Variants in ARHGAP21 observed in about 807,000 individuals in gnomAD.
ARHGAP21 encodes the protein rho GTPase-activating protein 21.
A neutral mutation model predicts 164.6 loss-of-function variants in ARHGAP21; 38 were observed. The ratio of observed to expected loss-of-function variants is 0.23; its 90% CI spans 0.18 to 0.30. ARHGAP21 has a LOEUF of 0.30. Ranked by LOEUF, ARHGAP21 falls within the 10% of genes least tolerant of loss-of-function variation. The pLI is 1.00. For missense variants in ARHGAP21, 1,822 were observed against 2,370.7 expected (o/e 0.77, Z 4.81); for synonymous variants, 766 against 857.9 (o/e 0.89, Z 1.87).
chr10:24,705,387 C>G (rs1230011539), intron 2 of ARHGAP21, among the ~76,000 whole-genome samples: 1 of 152,144 alleles, frequency 6.6e-6, no homozygotes, highest in African/African-American at 2.4e-5. Flanking sequence ...TACGGTGAAA[C>G]AAACAGAGAC....
intron 24 of ARHGAP21, chr10:24,590,597 T>A: frequency 7.1e-7 from 1 of 1,414,062 alleles, no homozygotes. Context: ...GCTAGATTAG[T>A]GCAACAGTTT....
At position 24,595,739 on chromosome 10, in the gene ARHGAP21, G is replaced by GAGTTTTCTGA; in HGVS notation, c.3680_3689dup (p.Pro1231GlnfsTer5). 1 of 1,613,370 alleles carries GAGTTTTCTGA rather than the reference G, an allele frequency of 6.2e-7. No individual in the cohort carries two copies. Reference sequence around the variant, plus strand: ...CACCATTTGTGAAGAGAGGCTCAGGGAGTTTTCTGAAGAAGGATTTTAGTA... The same window carrying GAGTTTTCTGA: ...CACCATTTGTGAAGAGAGGCTCAGGGAGTTTTCTGAAGTTTTCTGAAGAAGGATTTTAGTA... On this transcript the variant is annotated frameshift_variant, in exon 19 of 26. Transcript: ENST00000396432. LOFTEE classifies it high-confidence loss of function.
At chr10:24,660,006 C>CAGT (rs1442985465) in intron 4 of ARHGAP21, among the ~76,000 whole-genome samples, 5 of 152,090 alleles carry the variant, frequency 3.3e-5, no homozygotes, top group Non-Finnish European at 7.4e-5. Context: ...AGAATGCAGC[C>CAGT]AGTACACTGT....
At chr10:24,595,246 T>G in intron 19 of ARHGAP21, 56 bp from the exon 20 acceptor site, 1 of 1,407,012 alleles carries the variant, frequency 7.1e-7, no homozygotes, top group Non-Finnish European at 9.9e-7. Flanking sequence ...TGAATTGTAA[T>G]CTAGTTTCCC....
At chr10:24,695,908 G>C (rs755568397) in intron 2 of ARHGAP21, among the ~76,000 whole-genome samples, 1 of 152,212 alleles carries the variant, frequency 6.6e-6, no homozygotes, top group Non-Finnish European at 1.5e-5. Context: ...CTGATGCCAT[G>C]ATGACAGCCT....
chr10:24,661,391 G>A (rs1037651561), intron 4 of ARHGAP21, among the ~76,000 whole-genome samples: 3 of 151,876 alleles, frequency 2.0e-5, no homozygotes, highest in African/African-American at 4.8e-5. Flanking sequence ...GCAAACACTG[G>A]GTAAGTAAAA....
intron 2 of ARHGAP21, among the ~76,000 whole-genome samples, chr10:24,692,217 G>C (rs1842814220): frequency 3.9e-5 from 6 of 152,142 alleles, no homozygotes; most frequent in Admixed American, 3.9e-4. Context: ...CACCTGTAAG[G>C]TGCCAGTGGA....
Position 24,584,581 on chromosome 10 carries a change from A to T in ARHGAP21, c.5708T>A (p.Leu1903Ter). Residue 1903 changes from leucine to a stop codon, truncating the protein, a stop_gained, in exon 26 of 26, where the codon TTG (leucine) becomes TAG (stop). Transcript: ENST00000396432. LOFTEE classifies it low-confidence loss of function (END_TRUNC). The stretch of plus-strand genomic sequence containing the variant: ...AAGAAGGGGCCTGTTTGTTGAAGCC[A>T]AGGTGCTGGAAGAACTGCCTGTGTT... ...HCNTGSSSSTLASTNRPLLSI... is the reference protein window; with the variant it reads ...HCNTGSSSST The T allele has an allele frequency of 6.2e-7, 1 of 1,613,934 alleles. No homozygotes were observed. Among genetic ancestry groups the T allele is most frequent in the Non-Finnish European group, 8.5e-7 (1 of 1,179,866 alleles).
At chr10:24,653,817 T>G (rs566739806) in intron 4 of ARHGAP21, among the ~76,000 whole-genome samples, 1 of 152,250 alleles carries the variant, frequency 6.6e-6, no homozygotes, top group South Asian at 2.1e-4. Context: ...CAAAATGTTT[T>G]TAACAACAAG....
intron 7 of ARHGAP21, among the ~76,000 whole-genome samples, chr10:24,624,067 A>T (rs1475705008): frequency 1.3e-5 from 2 of 152,156 alleles, no homozygotes; most frequent in East Asian, 1.9e-4. Flanking sequence ...CATTACAGTC[A>T]CAGGTCCCCA....
intron 4 of ARHGAP21, among the ~76,000 whole-genome samples, chr10:24,656,378 C>T (rs1177426182): frequency 4.1e-4 from 40 of 98,384 alleles, no homozygotes; most frequent in African/African-American, 6.2e-4. Context: ...CCGCCCCGTC[C>T]GGGAGGGAGG....
At chr10:24,589,584 A>G (rs192357110) in intron 24 of ARHGAP21, 47 of 354,806 alleles carry the variant, frequency 1.3e-4, no homozygotes, top group African/African-American at 9.3e-4. Flanking sequence ...TGTTTATTAG[A>G]CTTTCTAAAT....
intron 4 of ARHGAP21, among the ~76,000 whole-genome samples, chr10:24,665,794 G>A (rs1480813605): frequency 6.6e-6 from 1 of 152,146 alleles, no homozygotes; most frequent in African/African-American, 2.4e-5. Flanking sequence ...GAAAACATCA[G>A]ATAAACTGAA....
At chr10:24,656,328 C>T (rs1466191110) in intron 4 of ARHGAP21, among the ~76,000 whole-genome samples, 17 of 101,990 alleles carry the variant, frequency 1.7e-4, no homozygotes, top group African/African-American at 3.4e-4. Context: ...CCACCCCGTC[C>T]GGGAGGGAGA....
intron 2 of ARHGAP21, among the ~76,000 whole-genome samples, chr10:24,684,442 T>C (rs911105279): frequency 1.3e-5 from 2 of 152,162 alleles, no homozygotes; most frequent in Non-Finnish European, 1.5e-5. Flanking sequence ...GAGAGGCATA[T>C]ACAGTATTTA....
chr10:24,602,168 A>T (rs1222625949), intron 12 of ARHGAP21, 65 bp from the exon 13 acceptor site: 1 of 1,531,404 alleles, frequency 6.5e-7, no homozygotes, highest in African/African-American at 1.4e-5. Flanking sequence ...TTGCACATGG[A>T]AACTGCTTTG....
At chr10:24,707,803 A>AC in intron 2 of ARHGAP21, among the ~76,000 whole-genome samples, 1 of 151,558 alleles carries the variant, frequency 6.6e-6, no homozygotes, top group Non-Finnish European at 1.5e-5. Flanking sequence ...CTAAATTCAG[A>AC]CCCCCATCAA....
chr10:24,584,309 T>C lies in ARHGAP21; in HGVS notation c.*103A>G. 7.3e-7 allele frequency: 1 copy of C among 1,363,740 alleles called. No homozygotes were observed. Among genetic ancestry groups the C allele is most frequent in the Non-Finnish European group, 1.0e-6 (1 of 1,001,522 alleles). 84.5% of individuals were successfully genotyped at this position (1,363,740 alleles called of 1,614,324 possible). A position where few individuals can be genotyped will look rare whatever the true frequency, so the allele number is the denominator to read the frequency against. On this transcript the variant is annotated 3_prime_UTR_variant, in exon 26 of 26. Coordinates refer to ENST00000396432, the MANE Select transcript of ARHGAP21 (RefSeq NM_020824.4). ...TGCAAAATGATGAAACCAGCCCAAA[T>C]GAAGGCTGCATAATAACAATTCTGA...
intron 4 of ARHGAP21, among the ~76,000 whole-genome samples, chr10:24,659,523 C>A (rs188496562): frequency 2.6e-5 from 4 of 152,274 alleles, no homozygotes; most frequent in African/African-American, 9.6e-5. Context: ...CCATGTTGGT[C>A]AGGCTGGTCT....
Sources: allele counts gnomAD v4.1 joint callset (sites outside exome capture counted in the v4.1 genomes callset), GRCh38; gene constraint gnomAD v4.1.1; transcripts MANE v1.5; gene names NCBI Gene and HGNC (gene_info 2026-07-23, HGNC 2026-07-21).